Variants in NRXN1 observed in about 807,000 individuals in gnomAD.
The protein encoded by NRXN1 is neurexin-1.
NRXN1 carries 39 observed loss-of-function variants against 150.9 expected under a neutral mutation model. That is an observed-to-expected ratio of 0.26 (90% CI 0.20 to 0.34). The LOEUF (loss-of-function observed/expected upper bound fraction) is 0.34. Ranked by LOEUF, NRXN1 falls within the 10% of genes least tolerant of loss-of-function variation. The pLI is 1.00. For synonymous variants in NRXN1, 924 were observed against 757.0 expected, an observed-to-expected ratio of 1.22 and a Z score of -3.62; for missense variants, 1,815 against 1,949.9, an observed-to-expected ratio of 0.93 and a Z score of 1.30.
At chr2:50,385,905 G>C (rs1379201708) in intron 17 of NRXN1, among the ~76,000 whole-genome samples, 1 of 151,844 alleles carries the variant, frequency 6.6e-6, no homozygotes, top group African/African-American at 2.4e-5. Context: ...TTAAATGTAT[G>C]TAAATAAAAC....
chr2:50,431,141 A>G (rs1431105592), intron 17 of NRXN1, among the ~76,000 whole-genome samples: 5 of 152,072 alleles, frequency 3.3e-5, no homozygotes, highest in Non-Finnish European at 7.4e-5. Context: ...TTCTTCAAAC[A>G]TTATCTCTGT....
chr2:50,885,453 T>C (rs529951611), intron 5 of NRXN1, among the ~76,000 whole-genome samples: 2 of 151,196 alleles, frequency 1.3e-5, no homozygotes, highest in Admixed American at 6.6e-5. Flanking sequence ...ATCATACTTA[T>C]TTGTATGTTT....
intron 21 of NRXN1, among the ~76,000 whole-genome samples, chr2:50,009,323 C>T (rs1053304672): frequency 2.6e-5 from 4 of 152,082 alleles, no homozygotes; most frequent in Non-Finnish European, 5.9e-5. Flanking sequence ...ACTAAATGCA[C>T]AAGATTCAAA....
Position 51,027,829 on chromosome 2 carries a change from C to T in NRXN1, c.445G>A (p.Val149Met), listed in dbSNP as rs1670809073. 2 of 1,613,462 alleles carry T rather than the reference C, an allele frequency of 1.2e-6. No homozygotes were observed. The highest frequency in any genetic ancestry group is 1.1e-5 in the South Asian group (1 of 91,072). ...EVKSKRRDMT[V>M]FSGLFVGGLP... ...CCCCCGACGAAAAGGCCGCTGAACA[C>T]CGTCATGTCCCTGCGCTTGGACTTG... Residue 149 changes from valine (V) to methionine (M), a missense_variant, in exon 2 of 23, where the codon GTG (valine) becomes ATG (methionine). Physicochemically the swap from Val to Met is conservative, Grantham distance 21. This residue lies in a region of NRXN1 where 554 missense variants were observed against 478.8 expected (regional missense o/e 1.16). Transcript: ENST00000401669.
In NRXN1 at chr2:50,683,646, A is replaced by AAAAAAAAAAAAAAAAAAAAAAAATATAT; in HGVS notation, c.833-60032_833-60031insATATATTTTTTTTTTTTTTTTTTTTTTT. 1.3e-4 allele frequency among the ~76,000 whole-genome samples: 2 copies of AAAAAAAAAAAAAAAAAAAAAAAATATAT among 14,906 alleles called. 1 individual carries two copies. The highest frequency in any genetic ancestry group is 7.2e-4 in the African/African-American group (2 of 2,780). The allele number at this position is 14,906 out of a possible 152,430, so 9.8% of individuals were successfully genotyped here. The stretch of plus-strand genomic sequence containing the variant: ...GACTCCGTCTCAAAAAAAAAAAAAA[A>AAAAAAAAAAAAAAAAAAAAAAAATATAT]ATATATATATATATATATATGTTAT... On this transcript the variant is annotated intron_variant, in intron 5 of 22. Transcript: ENST00000401669.
chr2:50,206,285 C>T (rs1284681426), intron 18 of NRXN1, among the ~76,000 whole-genome samples: 7 of 151,338 alleles, frequency 4.6e-5, no homozygotes, highest in Admixed American at 4.6e-4. Context: ...CCTAACTAGA[C>T]ATTTTGAAAA....
intron 5 of NRXN1, among the ~76,000 whole-genome samples, chr2:50,896,888 T>C (rs912193070): frequency 6.6e-6 from 1 of 151,176 alleles, no homozygotes; most frequent in Admixed American, 6.6e-5. Flanking sequence ...TGAGGTCCAA[T>C]TTGAGCAATG....
At chr2:50,215,303 G>A (rs1303165509) in intron 18 of NRXN1, among the ~76,000 whole-genome samples, 1 of 151,858 alleles carries the variant, frequency 6.6e-6, no homozygotes, top group Non-Finnish European at 1.5e-5. Flanking sequence ...TTACACCCCT[G>A]GGGCACATTT....
intron 5 of NRXN1, among the ~76,000 whole-genome samples, chr2:50,788,713 T>A (rs547348476): frequency 6.6e-6 from 1 of 152,014 alleles, no homozygotes; most frequent in Non-Finnish European, 1.5e-5. Flanking sequence ...AAGATACCAG[T>A]GATGGCAAGC....
chr2:50,850,630 C>T (rs1478425859), intron 5 of NRXN1, among the ~76,000 whole-genome samples: 3 of 152,094 alleles, frequency 2.0e-5, no homozygotes, highest in Admixed American at 6.6e-5. Context: ...TGATTTTAAA[C>T]TCTGTTTTTT....
chr2:51,025,479 T>A (rs1239353450), intron 2 of NRXN1, among the ~76,000 whole-genome samples: 7 of 152,138 alleles, frequency 4.6e-5, no homozygotes, highest in Non-Finnish European at 1.0e-4. Flanking sequence ...AAAATAAAAA[T>A]TTTCATTTAA....
chr2:50,147,574 A>C (rs1050382005), intron 18 of NRXN1, among the ~76,000 whole-genome samples: 3 of 151,682 alleles, frequency 2.0e-5, no homozygotes, highest in African/African-American at 7.3e-5. Flanking sequence ...TATTAAAATG[A>C]GTGCTGTTCA....
Position 50,506,482 on chromosome 2 carries a change from C to A in NRXN1, c.2497+13G>T. 2 of 1,610,464 alleles carry A rather than the reference C, an allele frequency of 1.2e-6. No homozygotes were observed. The highest frequency in any genetic ancestry group is 2.2e-5 in the East Asian group (1 of 44,748). ...GTTAGCATAGGAAAAGACAATGGGA[C>A]AGAGGTGTTTACCTGTCATGGCCTG... On this transcript the variant is annotated intron_variant, in intron 13 of 22. Transcript: ENST00000401669.
At chr2:50,911,623 TA>T (rs1684534314) in intron 5 of NRXN1, among the ~76,000 whole-genome samples, 1 of 151,958 alleles carries the variant, frequency 6.6e-6, no homozygotes, top group African/African-American at 2.4e-5. Flanking sequence ...TGCATCAAGA[TA>T]TATTTGTGCC....
chr2:50,393,496 A>G (rs1357376107), intron 17 of NRXN1, among the ~76,000 whole-genome samples: 1 of 152,134 alleles, frequency 6.6e-6, no homozygotes, highest in Non-Finnish European at 1.5e-5. Context: ...AGAAGTAAAG[A>G]TATTTTGGCT....
Position 50,388,073 on chromosome 2 carries a change from C to T in NRXN1, c.3364+77369G>A, listed in dbSNP as rs796866123. Among the ~76,000 whole-genome samples, 29 of 152,232 alleles carry T rather than the reference C, an allele frequency of 1.9e-4. 1 individual carries two copies. Among genetic ancestry groups the T allele is most frequent in the African/African-American group, 5.8e-4 (24 of 41,554 alleles). ...CTTGAAACTTTTTGATGCCTCAACC[C>T]CTTACAGATTTAAGGTACATGCTGA... is the stretch of plus-strand genomic sequence containing the variant. On this transcript the variant is annotated intron_variant, in intron 17 of 22. Coordinates refer to ENST00000401669, the MANE Select transcript of NRXN1 (RefSeq NM_001330078.2).
At chr2:50,952,832 C>T (rs1413351857) in intron 2 of NRXN1, among the ~76,000 whole-genome samples, 2 of 152,224 alleles carry the variant, frequency 1.3e-5, no homozygotes, top group East Asian at 3.9e-4. Context: ...TTCAACCCTA[C>T]CCTCCCATTT....
chr2:50,588,850 A>G (rs1673609401), intron 8 of NRXN1: 1 of 152,158 alleles, frequency 6.6e-6, no homozygotes, highest in African/African-American at 2.4e-5. Context: ...AAATGGCGAT[A>G]ATTATAGTAG....
chr2:50,237,347 T>A (rs977286108), intron 17 of NRXN1, among the ~76,000 whole-genome samples: 1 of 151,978 alleles, frequency 6.6e-6, no homozygotes, highest in African/African-American at 2.4e-5. Context: ...GCAGCACACA[T>A]CAACTTGGTA....
Sources: gnomAD v4.1 joint callset for allele counts (sites outside exome capture counted in the v4.1 genomes callset) on GRCh38, gnomAD v4.1.1 for gene constraint, gnomAD v4.1.1 regional missense constraint, MANE v1.5 for transcripts, NCBI Gene and HGNC (gene_info 2026-07-23, HGNC 2026-07-21) for gene names.